The following TENM4 variants were observed in gnomAD, a reference collection of about 807,000 sequenced individuals.
TENM4 encodes the protein teneurin-4.
Under a neutral mutation model 243.3 loss-of-function variants are expected in TENM4, and 82 were observed. That is an observed-to-expected ratio of 0.34 (90% CI 0.28 to 0.40). The LOEUF (loss-of-function observed/expected upper bound fraction) is 0.40, where lower values mean the gene tolerates loss of function less well. TENM4 is among the 10% of genes least tolerant of loss of function. TENM4 has a pLI of 1.00. For missense variants in TENM4, 3,138 were observed against 3,673.3 expected (o/e 0.85, Z 3.77); for synonymous variants, 1,412 against 1,456.3 (o/e 0.97, Z 0.69).
At chr11:79,333,333 A>G (rs1478086102) in intron 1 of TENM4, among the ~76,000 whole-genome samples, 1 of 152,168 alleles carries the variant, frequency 6.6e-6, no homozygotes, top group Non-Finnish European at 1.5e-5. Context: ...TATAGATCCA[A>G]CTTCCCCTCT....
At chr11:79,120,945 C>T (rs1463943872) in intron 4 of TENM4, among the ~76,000 whole-genome samples, 1 of 152,198 alleles carries the variant, frequency 6.6e-6, no homozygotes, top group Non-Finnish European at 1.5e-5. Context: ...AAAACTGAGG[C>T]CTCGGGAGCT....
At chr11:79,121,295 T>C (rs527846623) in intron 4 of TENM4, among the ~76,000 whole-genome samples, 3 of 152,310 alleles carry the variant, frequency 2.0e-5, no homozygotes, top group East Asian at 1.9e-4. Flanking sequence ...GTCAAAATAA[T>C]CTGGGCTTGA....
intron 24 of TENM4, among the ~76,000 whole-genome samples, chr11:78,721,600 C>CCT (rs1859654656): frequency 6.6e-6 from 1 of 152,180 alleles, no homozygotes; most frequent in South Asian, 2.1e-4. Flanking sequence ...ATTCCCTAAG[C>CCT]CTCCATCTTT....
chr11:79,340,135 C>T (rs770672959), intron 1 of TENM4, among the ~76,000 whole-genome samples: 1 of 152,242 alleles, frequency 6.6e-6, no homozygotes, highest in Non-Finnish European at 1.5e-5. Context: ...CCTGGACCAA[C>T]TTTCATGTCC....
At chr11:79,405,798 T>A (rs1197676818) in intron 1 of TENM4, among the ~76,000 whole-genome samples, 2 of 148,790 alleles carry the variant, frequency 1.3e-5, no homozygotes, top group African/African-American at 2.5e-5. Context: ...ATAAAAATGA[T>A]GTGGTAAACA....
chr11:79,083,483 G>C (rs1176248959), intron 4 of TENM4, among the ~76,000 whole-genome samples: 1 of 152,192 alleles, frequency 6.6e-6, no homozygotes, highest in Non-Finnish European at 1.5e-5. Flanking sequence ...GGAACATGAG[G>C]GATACAGTTG....
intron 1 of TENM4, among the ~76,000 whole-genome samples, chr11:79,333,630 C>A (rs72933089): frequency 6.6e-6 from 1 of 152,184 alleles, no homozygotes; most frequent in African/African-American, 2.4e-5. Context: ...AAAACCATAA[C>A]AATTGTTTTC....
rs115894836 is a variant in TENM4, at chr11:79,406,059, C to T, written c.-321+34450G>A. Reference sequence around the variant, plus strand: ...CTTTGATGGTTCCAGCCTTAACCACCGCACCAGGGCTGATGTTTCTTGGCC... The same window carrying T: ...CTTTGATGGTTCCAGCCTTAACCACTGCACCAGGGCTGATGTTTCTTGGCC... On this transcript the variant is annotated intron_variant, in intron 1 of 33. Coordinates refer to ENST00000278550, the MANE Select transcript of TENM4 (RefSeq NM_001098816.3). Among the ~76,000 whole-genome samples, 517 of 152,160 alleles carry T rather than the reference C, an allele frequency of 3.4e-3. 1 individual carries two copies. The highest frequency in any genetic ancestry group is 0.012 in the African/African-American group (482 of 41,506).
chr11:79,350,547 A>G (rs1857397076), intron 1 of TENM4, among the ~76,000 whole-genome samples: 1 of 149,700 alleles, frequency 6.7e-6, no homozygotes, highest in Non-Finnish European at 1.5e-5. Flanking sequence ...CTCCCATCTC[A>G]GCCTCTTGAG....
At chr11:79,126,750 C>A (rs1861886401) in intron 4 of TENM4, among the ~76,000 whole-genome samples, 1 of 152,162 alleles carries the variant, frequency 6.6e-6, no homozygotes, top group East Asian at 1.9e-4. Flanking sequence ...ACCCTGACCC[C>A]TTGAATGAAG....
intron 2 of TENM4, among the ~76,000 whole-genome samples, chr11:79,253,747 C>T (rs1477333611): frequency 1.3e-5 from 2 of 152,134 alleles, no homozygotes; most frequent in Non-Finnish European, 2.9e-5. Flanking sequence ...ACGTTTAGAC[C>T]TTCATCCCTC....
At chr11:78,867,941 T>C (rs917920717) in intron 9 of TENM4, among the ~76,000 whole-genome samples, 4 of 152,062 alleles carry the variant, frequency 2.6e-5, no homozygotes, top group Non-Finnish European at 2.9e-5. Flanking sequence ...CAAATAAAAT[T>C]TGAAATAAAT....
At chr11:78,677,047 A>C (rs1444654711) in intron 29 of TENM4, among the ~76,000 whole-genome samples, 4 of 152,184 alleles carry the variant, frequency 2.6e-5, no homozygotes, top group Admixed American at 1.3e-4. Flanking sequence ...CATGTTCCAG[A>C]ATCGGATCAT....
intron 6 of TENM4, among the ~76,000 whole-genome samples, chr11:79,006,591 G>T (rs1858490690): frequency 6.6e-6 from 1 of 152,102 alleles, no homozygotes; most frequent in Admixed American, 6.6e-5. Flanking sequence ...GGCTCAGATA[G>T]GTTAAGTCAA....
intron 1 of TENM4, among the ~76,000 whole-genome samples, chr11:79,315,304 G>T (rs1407533094): frequency 1.3e-5 from 2 of 152,290 alleles, no homozygotes; most frequent in Non-Finnish European, 1.5e-5. Flanking sequence ...CTCCTCAGCT[G>T]GGGCCCTGCT....
intron 6 of TENM4, among the ~76,000 whole-genome samples, chr11:78,966,682 A>G (rs775636760): frequency 6.6e-6 from 1 of 152,182 alleles, no homozygotes; most frequent in Non-Finnish European, 1.5e-5. Flanking sequence ...CAATGAGAAA[A>G]GATAGGAGCA....
At chr11:79,022,607 C>A (rs12280573) in intron 6 of TENM4, among the ~76,000 whole-genome samples, 4,207 of 152,246 alleles carry the variant, frequency 0.028, 195 homozygotes, top group African/African-American at 0.096. Flanking sequence ...TCTGGAAATG[C>A]AATTATTTCC....
rs1476774991 is a variant in TENM4 at position 78,653,463 on chromosome 11, A to G, written c.*4595T>C. 6.6e-6 allele frequency: 1 copy of G among 152,236 alleles called. No homozygotes were observed. Among genetic ancestry groups the G allele is most frequent in the Non-Finnish European group, 1.5e-5 (1 of 68,040 alleles). 9.4% of individuals were successfully genotyped at this position (152,236 alleles called of 1,614,324 possible). ...AAAGTGTTGAGAAAAAAACTTCTCAAAATTAGTTCCAGACTTCAGGAAAAT... is the reference window on the plus strand; with the variant it reads ...AAAGTGTTGAGAAAAAAACTTCTCAGAATTAGTTCCAGACTTCAGGAAAAT... On this transcript the variant is annotated 3_prime_UTR_variant, in exon 34 of 34. Transcript: ENST00000278550.
intron 7 of TENM4, among the ~76,000 whole-genome samples, chr11:78,895,098 C>T (rs1446403333): frequency 6.6e-6 from 1 of 150,680 alleles, no homozygotes; most frequent in Non-Finnish European, 1.5e-5. Flanking sequence ...AATCCCAGCA[C>T]TTTGGGAGGC....
Sources: allele counts gnomAD v4.1 joint callset (sites outside exome capture counted in the v4.1 genomes callset), GRCh38; gene constraint gnomAD v4.1.1; transcripts MANE v1.5; gene names NCBI Gene and HGNC (gene_info 2026-07-23, HGNC 2026-07-21).